Variants in NOL4L observed in about 807,000 individuals in gnomAD.
The protein encoded by NOL4L is nucleolar protein 4-like.
In NOL4L, 7 loss-of-function variants were observed where a neutral mutation model predicts 64.5. The observed-to-expected ratio is 0.11, with a 90% CI of 0.06 to 0.20. The LOEUF (loss-of-function observed/expected upper bound fraction) is 0.20, where lower values mean the gene tolerates loss of function less well. NOL4L is among the 10% of genes least tolerant of loss of function. The pLI is 1.00. For synonymous variants in NOL4L, 413 were observed against 401.0 expected, an observed-to-expected ratio of 1.03 and a Z score of -0.36; for missense variants, 680 against 967.1, an observed-to-expected ratio of 0.70 and a Z score of 3.94.
At chr20:32,534,881 CAAAAAA>C (rs57677677) in intron 1 of NOL4L, among the ~76,000 whole-genome samples, 1 of 67,884 alleles carries the variant, frequency 1.5e-5, no homozygotes. Context: ...GACCCCATCT[CAAAAAA>C]AAAAAAAAAA....
intron 1 of NOL4L, among the ~76,000 whole-genome samples, chr20:32,555,748 C>T (rs986905416): frequency 1.3e-5 from 2 of 152,064 alleles, no homozygotes; most frequent in African/African-American, 4.8e-5. Context: ...AGTGACTGTC[C>T]ACAAGCCAAG....
intron 1 of NOL4L, among the ~76,000 whole-genome samples, chr20:32,583,841 C>T (rs1306142220): frequency 6.9e-6 from 1 of 143,964 alleles, no homozygotes; most frequent in East Asian, 2.3e-4. Context: ...CGGGCCGGCC[C>T]GGGGGACGGG....
At chr20:32,477,016 C>T (rs1027871696) in intron 4 of NOL4L, among the ~76,000 whole-genome samples, 7 of 152,184 alleles carry the variant, frequency 4.6e-5, no homozygotes, top group South Asian at 2.1e-4. Context: ...GGCGGGCACA[C>T]GGGGACAGAG....
At chr20:32,498,617 G>T (rs2016789207) in intron 4 of NOL4L, among the ~76,000 whole-genome samples, 1 of 150,926 alleles carries the variant, frequency 6.6e-6, no homozygotes, top group Non-Finnish European at 1.5e-5. Flanking sequence ...CAAAAAATTA[G>T]CCAGGTGTGG....
intron 4 of NOL4L, among the ~76,000 whole-genome samples, chr20:32,491,068 C>T (rs563309700): frequency 1.3e-5 from 2 of 152,322 alleles, no homozygotes; most frequent in South Asian, 4.1e-4. Context: ...TACCACACAC[C>T]AGGCGCCATG....
At chr20:32,561,407 C>T (rs545538147) in intron 1 of NOL4L, among the ~76,000 whole-genome samples, 24 of 152,216 alleles carry the variant, frequency 1.6e-4, no homozygotes, top group Non-Finnish European at 2.6e-4. Flanking sequence ...TGACAAAAAA[C>T]GAGGCTGAGT....
rs2012393919 is a variant in NOL4L at position 32,447,428 on chromosome 20, A to G, written c.*168T>C. On this transcript the variant is annotated 3_prime_UTR_variant, in exon 11 of 11. Coordinates refer to ENST00000621426, the MANE Select transcript of NOL4L (RefSeq NM_001256798.2). ...CAAAAAAAAAAAAAAAAAAAAAAAA[A>G]AGTGTCCTTGTGCCCAAAGTCTCAG... The G allele has an allele frequency of 1.2e-6, 1 of 802,576 alleles. No homozygotes were observed. The allele number at this position is 802,576 out of a possible 1,614,324, so 49.7% of individuals were successfully genotyped here. A position where few individuals can be genotyped will look rare whatever the true frequency, so the allele number is the denominator to read the frequency against.
chr20:32,470,281 A>C (rs2014912391), intron 5 of NOL4L, among the ~76,000 whole-genome samples: 1 of 152,228 alleles, frequency 6.6e-6, no homozygotes. Context: ...TCCAGGGGAA[A>C]CGGAAGGAGT....
chr20:32,547,927 G>A (rs1031399624), intron 1 of NOL4L, among the ~76,000 whole-genome samples: 1 of 151,990 alleles, frequency 6.6e-6, no homozygotes, highest in Non-Finnish European at 1.5e-5. Context: ...GCCCACAACT[G>A]GGTGCCCACA....
intron 1 of NOL4L, among the ~76,000 whole-genome samples, chr20:32,546,022 C>A (rs937005597): frequency 3.3e-4 from 50 of 150,426 alleles, no homozygotes; most frequent in African/African-American, 1.1e-3. Context: ...GATCTTGGCT[C>A]ACTGCAACCT....
chr20:32,559,929 C>T (rs2145611474), intron 1 of NOL4L, among the ~76,000 whole-genome samples: 1 of 152,364 alleles, frequency 6.6e-6, no homozygotes, highest in African/African-American at 2.4e-5. Context: ...GCAGTGTGGC[C>T]TGCCCTGGGA....
chr20:32,554,200 A>G (rs1471754655), intron 1 of NOL4L, among the ~76,000 whole-genome samples: 1 of 151,718 alleles, frequency 6.6e-6, no homozygotes, highest in African/African-American at 2.4e-5. Context: ...AGGTGCCTGT[A>G]GTCCCAGCTA....
At chr20:32,546,458 T>C (rs1476468805) in intron 1 of NOL4L, among the ~76,000 whole-genome samples, 2 of 152,142 alleles carry the variant, frequency 1.3e-5, no homozygotes, top group Non-Finnish European at 2.9e-5. Context: ...TATTTATTTT[T>C]TGAGATGGAG....
chr20:32,477,502 G>A (rs1038804519), intron 4 of NOL4L, among the ~76,000 whole-genome samples: 4 of 152,190 alleles, frequency 2.6e-5, no homozygotes, highest in Admixed American at 6.5e-5. Context: ...GAAAACCTTC[G>A]GTCCTTCCAA....
At position 32,453,717 on chromosome 20, in the gene NOL4L, C is replaced by G. The variant is rs1282595480; in HGVS notation, c.1164G>C (p.Glu388Asp). 6.4e-7 allele frequency: 1 copy of G among 1,557,722 alleles called. No homozygotes were observed. Among genetic ancestry groups the G allele is most frequent in the Admixed American group, 1.9e-5 (1 of 51,328 alleles). ...TCAGGTCCTCAGGGCAGCCGCTGACCTCGGTCTTGATGGAATCGTAGCTCC... is the reference window on the plus strand; with the variant it reads ...TCAGGTCCTCAGGGCAGCCGCTGACGTCGGTCTTGATGGAATCGTAGCTCC... ...SSGSYDSIKT[E>D]VSGCPEDLTV... Residue 388 changes from glutamate (E) to aspartate (D), a missense_variant, in exon 7 of 11, where the codon GAG becomes GAC. Physicochemically the swap from Glu to Asp is conservative, Grantham distance 45. This residue lies in a region of NOL4L where 254 missense variants were observed against 238.7 expected (regional missense o/e 1.06). Coordinates refer to ENST00000621426, the MANE Select transcript of NOL4L (RefSeq NM_001256798.2). The surrounding 1 kb of genome is among the most constrained non-coding windows in gnomAD (Gnocchi z 5.6).
intron 5 of NOL4L, among the ~76,000 whole-genome samples, chr20:32,462,014 A>C (rs1395425588): frequency 6.6e-6 from 1 of 151,862 alleles, no homozygotes. Flanking sequence ...TGGCCAGTCA[A>C]CCCATCACAG....
chr20:32,569,434 G>T (rs548384356), intron 1 of NOL4L, among the ~76,000 whole-genome samples: 2 of 152,244 alleles, frequency 1.3e-5, no homozygotes, highest in Non-Finnish European at 2.9e-5. Context: ...GTGAAGCGGG[G>T]CGGAAGTAAC....
At position 32,464,939 on chromosome 20, in the gene NOL4L, C is replaced by A; in HGVS notation, c.842-8544G>T. On this transcript the variant is annotated intron_variant, in intron 5 of 10. Transcript: ENST00000621426. This position sits in a 1 kb window ranked among gnomAD's most constrained non-coding sequence, Gnocchi z 5.6. ...GTATTGCACACCTGTCTGCACTAGCCTTTTCCAAGGCTCAGTAGCCGTCCT... is the reference window on the plus strand; with the variant it reads ...GTATTGCACACCTGTCTGCACTAGCATTTTCCAAGGCTCAGTAGCCGTCCT... The A allele has an allele frequency of 1.9e-6, 1 of 516,620 alleles. No homozygotes were observed. Among genetic ancestry groups the A allele is most frequent in the South Asian group, 2.9e-5 (1 of 34,746 alleles). 32.0% of individuals were successfully genotyped at this position (516,620 alleles called of 1,614,324 possible). A position where few individuals can be genotyped will look rare whatever the true frequency, so the allele number is the denominator to read the frequency against.
At chr20:32,572,892 A>C (rs1172233850) in intron 1 of NOL4L, among the ~76,000 whole-genome samples, 2 of 152,130 alleles carry the variant, frequency 1.3e-5, no homozygotes, top group East Asian at 3.8e-4. Context: ...CCCGGACTCC[A>C]TGTCCGTAAG....
Sources: gnomAD v4.1 joint callset for allele counts (sites outside exome capture counted in the v4.1 genomes callset) on GRCh38, gnomAD v4.1.1 for gene constraint, gnomAD v4.1.1 regional missense constraint, Gnocchi (gnomAD v3.1) non-coding constraint, MANE v1.5 for transcripts, NCBI Gene and HGNC (gene_info 2026-07-23, HGNC 2026-07-21) for gene names.